Variants in OXTR observed in about 807,000 individuals in gnomAD.
The protein encoded by OXTR is oxytocin receptor.
Under a neutral mutation model 23.9 loss-of-function variants are expected in OXTR, and 19 were observed. The observed-to-expected ratio is 0.80, with a 90% CI of 0.56 to 1.17. The LOEUF is 1.17. OXTR is among the 50% of genes most tolerant of loss of function. OXTR has a pLI of 0.00. For synonymous variants in OXTR, 278 were observed against 250.5 expected (o/e 1.11, Z -1.04); for missense variants, 500 against 550.7 (o/e 0.91, Z 0.92).
chr3:8,768,443 C>T lies in OXTR; in HGVS notation c.-143+53G>A. On this transcript the variant is annotated intron_variant, in intron 2 of 3. Transcript: ENST00000316793. The surrounding 1 kb of genome is among the most constrained non-coding windows in gnomAD (Gnocchi z 5.4). ...ACTCATCTGAAACAACAGGGCACAA[C>T]CGCCGGCCTCGGGTTGCTCAGCCGC... is the stretch of plus-strand genomic sequence containing the variant. The T allele has an allele frequency of 2.2e-6, 1 of 450,022 alleles. No individual in the cohort carries two copies. The highest frequency in any genetic ancestry group is 3.4e-6 in the Non-Finnish European group (1 of 290,548). The allele number at this position is 450,022 out of a possible 1,614,324, so 27.9% of individuals were successfully genotyped here.
At chr3:8,748,068 G>C (rs1049315930), downstream of OXTR, among the ~76,000 whole-genome samples, 4 of 152,092 alleles carry the variant, frequency 2.6e-5, no homozygotes, top group Non-Finnish European at 5.9e-5. Flanking sequence ...ATGAGAATGG[G>C]CCTGAGGCAG....
At chr3:8,769,034 A>G (rs1320867113) in intron 1 of OXTR, among the ~76,000 whole-genome samples, 197 bp downstream of exon 1, 1 of 152,156 alleles carries the variant, frequency 6.6e-6, no homozygotes, top group African/African-American at 2.4e-5. Context: ...AAAGTTCTGG[A>G]ACCCCTGACT....
At chr3:8,765,770 G>A (rs1471485714) in intron 3 of OXTR, among the ~76,000 whole-genome samples, 6 of 152,162 alleles carry the variant, frequency 3.9e-5, no homozygotes, top group Admixed American at 3.9e-4. Context: ...GACTTGCTGT[G>A]TGACCTGGTG....
At chr3:8,741,430 G>A in the OXTR span, among the ~76,000 whole-genome samples, 1 of 152,152 alleles carries the variant, frequency 6.6e-6, no homozygotes, top group Non-Finnish European at 1.5e-5. Context: ...AAGGTAATAG[G>A]GGAGGAAGCT....
intron 3 of OXTR, among the ~76,000 whole-genome samples, chr3:8,760,236 A>T (rs1708457964): frequency 6.6e-6 from 1 of 152,164 alleles, no homozygotes; most frequent in Admixed American, 6.5e-5. Flanking sequence ...GCTCAGCCCC[A>T]CACCCGAAGT....
At chr3:8,765,690 G>T (rs1708590691) in intron 3 of OXTR, among the ~76,000 whole-genome samples, 1 of 152,180 alleles carries the variant, frequency 6.6e-6, no homozygotes, top group Non-Finnish European at 1.5e-5. Flanking sequence ...ACTGGCTTTT[G>T]CCCAACCCCA....
chr3:8,743,887 TC>T, the OXTR span, among the ~76,000 whole-genome samples: 7 of 152,242 alleles, frequency 4.6e-5, no homozygotes, highest in African/African-American at 1.7e-4. Flanking sequence ...TTTTCTTTTT[TC>T]TATTCTGTTA....
Position 8,768,265 on chromosome 3 carries a change from G to C in OXTR, c.-78C>G, listed in dbSNP as rs905538068. 3.4e-5 allele frequency: 43 copies of C among 1,253,290 alleles called. No homozygotes were observed. Among genetic ancestry groups the C allele is most frequent in the Non-Finnish European group, 5.0e-6 (5 of 1,003,878 alleles). The allele number at this position is 1,253,290 out of a possible 1,614,324, so 77.6% of individuals were successfully genotyped here. A position where few individuals can be genotyped will look rare whatever the true frequency, so the allele number is the denominator to read the frequency against. On this transcript the variant is annotated 5_prime_UTR_variant, in exon 3 of 4. Coordinates refer to ENST00000316793, the MANE Select transcript of OXTR (RefSeq NM_000916.4). The surrounding 1 kb of genome is among the most constrained non-coding windows in gnomAD (Gnocchi z 5.4). ...CGGCTGGGCCGGATCCGGCGTGTCG[G>C]AGGGTGTAGGGGCGCCCGGGGCTCC...
At chr3:8,761,919 A>C (rs1708494717) in intron 3 of OXTR, among the ~76,000 whole-genome samples, 1 of 152,194 alleles carries the variant, frequency 6.6e-6, no homozygotes, top group African/African-American at 2.4e-5. Context: ...CCAGAAGGGG[A>C]CTGGCTACTT....
chr3:8,753,370 A>G, intron 3 of OXTR, 146 bp from the exon 4 acceptor site: 9 of 1,004,424 alleles, frequency 9.0e-6, no homozygotes, highest in Non-Finnish European at 1.3e-5. Context: ...GGTACTAAAG[A>G]GGCAAAGTTT....
At chr3:8,742,315 C>T in the OXTR span, 2 of 278,264 alleles carry the variant, frequency 7.2e-6, no homozygotes, top group Non-Finnish European at 1.4e-5. Context: ...AAAGGCAATC[C>T]CTGGAAATAA....
intron 3 of OXTR, among the ~76,000 whole-genome samples, chr3:8,766,069 T>C (rs1371851440): frequency 1.3e-5 from 2 of 152,232 alleles, no homozygotes; most frequent in East Asian, 1.9e-4. Context: ...ACATTTGCAG[T>C]GTCTGGAGTG....
chr3:8,767,773 G>A lies in OXTR; in HGVS notation c.415C>T (p.Leu139=), dbSNP rs200544183. The part of the protein sequence containing the change: ...LLLLMSLDRC[L]AICQPLRSLR... The stretch of plus-strand genomic sequence containing the variant: ...GAGCGCAGCGGCTGGCAGATGGCCA[G>A]GCAGCGGTCCAGGGACATGAGCAGC... Residue 139 remains leucine, a synonymous_variant, in exon 3 of 4, where the codon CTG becomes TTG. Transcript: ENST00000316793. 2.6e-5 allele frequency: 42 copies of A among 1,605,548 alleles called. No homozygotes were observed. Among genetic ancestry groups the A allele is most frequent in the Admixed American group, 1.2e-4 (7 of 58,930 alleles).
chr3:8,753,304 C>T, intron 3 of OXTR, 80 bp from the exon 4 acceptor site: 1 of 1,495,146 alleles, frequency 6.7e-7, no homozygotes, highest in Non-Finnish European at 9.1e-7. Context: ...CTGACTTAAA[C>T]ATCATTTCCT....
chr3:8,747,800 T>A (rs745737563), downstream of OXTR, among the ~76,000 whole-genome samples: 11 of 152,192 alleles, frequency 7.2e-5, no homozygotes, highest in Non-Finnish European at 1.6e-4. Context: ...CACGAGGCCA[T>A]CCATTTCAGA....
chr3:8,743,032 A>T, the OXTR span, among the ~76,000 whole-genome samples: 8 of 152,098 alleles, frequency 5.3e-5, no homozygotes, highest in African/African-American at 1.7e-4. Flanking sequence ...ACATGGCGAG[A>T]GAGGGAGCAA....
intron 3 of OXTR, among the ~76,000 whole-genome samples, chr3:8,760,977 CA>C (rs1708472207): frequency 6.6e-6 from 1 of 152,166 alleles, no homozygotes; most frequent in South Asian, 2.1e-4. Context: ...GAACTTTTGG[CA>C]ATGTCTGGAG....
chr3:8,753,876 G>T (rs1708321871), intron 3 of OXTR, among the ~76,000 whole-genome samples: 1 of 152,176 alleles, frequency 6.6e-6, no homozygotes, highest in African/African-American at 2.4e-5. Context: ...GCACCGGAAG[G>T]GGGTGCCACT....
the OXTR span, among the ~76,000 whole-genome samples, chr3:8,741,379 G>A: frequency 6.6e-6 from 1 of 152,110 alleles, no homozygotes; most frequent in African/African-American, 2.4e-5. Context: ...TACCTTGTTG[G>A]GAGACAGGAC....
Sources: gnomAD v4.1 joint callset for allele counts (sites outside exome capture counted in the v4.1 genomes callset) on GRCh38, gnomAD v4.1.1 for gene constraint, Gnocchi (gnomAD v3.1) non-coding constraint, MANE v1.5 for transcripts, NCBI Gene and HGNC (gene_info 2026-07-23, HGNC 2026-07-21) for gene names.